Variants in ADAMTS17 observed in about 807,000 individuals in gnomAD.
ADAMTS17 encodes A disintegrin and metalloproteinase with thrombospondin motifs 17.
In ADAMTS17, 113 loss-of-function variants were observed where a neutral mutation model predicts 141.5. The ratio of observed to expected loss-of-function variants is 0.80; its 90% CI spans 0.69 to 0.93. The LOEUF is 0.93. Among genes scored for constraint, ADAMTS17 ranks in the 40% least tolerant of loss-of-function variants. ADAMTS17 has a pLI of 0.00. For missense variants in ADAMTS17, 1,659 were observed against 1,517.9 expected (o/e 1.09, Z -1.54); for synonymous variants, 768 against 630.6 (o/e 1.22, Z -3.27).
intron 8 of ADAMTS17, among the ~76,000 whole-genome samples, chr15:100,185,814 T>C (rs569839291): frequency 2.6e-5 from 4 of 152,328 alleles, no homozygotes; most frequent in South Asian, 2.1e-4. Context: ...AACGTGCTTC[T>C]GGCTCCTGAA....
At chr15:100,213,911 T>C (rs1362487068) in intron 7 of ADAMTS17, among the ~76,000 whole-genome samples, 1 of 152,240 alleles carries the variant, frequency 6.6e-6, no homozygotes, top group Non-Finnish European at 1.5e-5. Flanking sequence ...GTCAAAGTTA[T>C]TAAATGTTTT....
At chr15:100,165,450 G>A (rs564244777) in intron 8 of ADAMTS17, among the ~76,000 whole-genome samples, 10 of 152,264 alleles carry the variant, frequency 6.6e-5, no homozygotes, top group East Asian at 5.8e-4. Flanking sequence ...ATATGAACAC[G>A]CAATGACACA....
intron 7 of ADAMTS17, among the ~76,000 whole-genome samples, chr15:100,242,737 G>A (rs545599484): frequency 6.6e-6 from 1 of 152,036 alleles, no homozygotes; most frequent in Non-Finnish European, 1.5e-5. Context: ...CATTTTTCTT[G>A]GACAAAATCT....
intron 18 of ADAMTS17, among the ~76,000 whole-genome samples, chr15:100,002,516 C>A (rs2060949862): frequency 2.0e-5 from 3 of 152,036 alleles, no homozygotes; most frequent in Non-Finnish European, 4.4e-5. Flanking sequence ...GAGGGAAGAG[C>A]TGGGCGAGGC....
intron 6 of ADAMTS17, chr15:100,256,319 G>A (rs1478287869): frequency 6.6e-6 from 1 of 152,212 alleles, no homozygotes; most frequent in Admixed American, 6.5e-5. Context: ...CCCATGCCCT[G>A]GGCTAACACT....
chr15:100,230,510 G>A lies in ADAMTS17; in HGVS notation c.1075+23626C>T, dbSNP rs1009141410. ...AAGGAGAGCAAGGGGTGGAGGAAACGGGGTTAGACTGGGATGGTCTGCAAA... is the reference window on the plus strand; with the variant it reads ...AAGGAGAGCAAGGGGTGGAGGAAACAGGGTTAGACTGGGATGGTCTGCAAA... On this transcript the variant is annotated intron_variant, in intron 7 of 21. Transcript: ENST00000268070. Among the ~76,000 whole-genome samples, 4 of 152,288 alleles carry A rather than the reference G, an allele frequency of 2.6e-5. No individual in the cohort carries two copies. The South Asian group carries it at 6.2e-4, about 24-fold the overall frequency.
At chr15:100,315,076 G>A (rs936921699) in intron 3 of ADAMTS17, among the ~76,000 whole-genome samples, 1 of 152,250 alleles carries the variant, frequency 6.6e-6, no homozygotes, top group African/African-American at 2.4e-5. Flanking sequence ...GCAGGTCCCA[G>A]GTGGGAGACA....
chr15:100,227,501 G>A (rs879296947), intron 7 of ADAMTS17, among the ~76,000 whole-genome samples: 9 of 152,200 alleles, frequency 5.9e-5, no homozygotes, highest in Non-Finnish European at 1.3e-4. Context: ...AATCAGAGAC[G>A]AGACACCATT....
chr15:100,197,621 C>G (rs973984696), intron 8 of ADAMTS17, among the ~76,000 whole-genome samples: 11 of 152,166 alleles, frequency 7.2e-5, no homozygotes, highest in Non-Finnish European at 1.5e-4. Flanking sequence ...TAACTGTGCA[C>G]TCAGAGACAA....
At chr15:100,200,422 G>A (rs928265665) in intron 7 of ADAMTS17, among the ~76,000 whole-genome samples, 2 of 152,068 alleles carry the variant, frequency 1.3e-5, no homozygotes, top group Admixed American at 1.3e-4. Context: ...CCGCACTTCT[G>A]GGGGCTGACT....
At chr15:100,078,149 T>G (rs2034503181) in intron 15 of ADAMTS17, among the ~76,000 whole-genome samples, 1 of 151,422 alleles carries the variant, frequency 6.6e-6, no homozygotes, top group Non-Finnish European at 1.5e-5. Context: ...GATGACATTG[T>G]AAAAAATGTA....
chr15:100,309,553 C>CT (rs750183013), intron 3 of ADAMTS17, among the ~76,000 whole-genome samples: 29 of 152,142 alleles, frequency 1.9e-4, no homozygotes, highest in Non-Finnish European at 2.5e-4. Context: ...GCAGAGTCCT[C>CT]TCTAATCCCA....
intron 4 of ADAMTS17, among the ~76,000 whole-genome samples, chr15:100,276,758 T>C (rs953705710): frequency 1.3e-5 from 2 of 152,114 alleles, no homozygotes; most frequent in African/African-American, 4.8e-5. Context: ...GCTTGTCTAA[T>C]GACAGCCCAG....
At chr15:100,018,168 T>C (rs1204325108) in intron 18 of ADAMTS17, among the ~76,000 whole-genome samples, 1 of 145,740 alleles carries the variant, frequency 6.9e-6, no homozygotes, top group Non-Finnish European at 1.5e-5. Context: ...TCATACAGTA[T>C]TGTCCTTCTG....
chr15:100,120,590 C>A (rs1038967387), intron 12 of ADAMTS17, among the ~76,000 whole-genome samples: 12 of 152,202 alleles, frequency 7.9e-5, no homozygotes, highest in Admixed American at 7.2e-4. Context: ...AAAGCAACTT[C>A]ATCTAGGAGA....
intron 18 of ADAMTS17, among the ~76,000 whole-genome samples, chr15:100,040,631 C>T (rs2141534352): frequency 6.7e-6 from 1 of 149,802 alleles, no homozygotes; most frequent in Admixed American, 6.7e-5. Context: ...GGTACCAGGG[C>T]ATTCTCTCAT....
At chr15:100,027,489 C>G (rs2061536877) in intron 18 of ADAMTS17, among the ~76,000 whole-genome samples, 1 of 152,256 alleles carries the variant, frequency 6.6e-6, no homozygotes, top group Admixed American at 6.5e-5. Context: ...GATTGACAAA[C>G]TATGGCCTGA....
Position 99,987,647 on chromosome 15 carries a change from C to T in ADAMTS17, c.2949+5401G>A, listed in dbSNP as rs376414407. On this transcript the variant is annotated intron_variant, in intron 20 of 21. Transcript: ENST00000268070. Reference sequence around the variant, plus strand: ...ACAGTCCGAATCAGACAAAAACGCTCGGGAAGCCTCATCCCATGGAATCTA... The same window carrying T: ...ACAGTCCGAATCAGACAAAAACGCTTGGGAAGCCTCATCCCATGGAATCTA... 7.9e-5 allele frequency among the ~76,000 whole-genome samples: 12 copies of T among 152,320 alleles called. No individual in the cohort carries two copies. The South Asian group carries it at 1.2e-3, about 16-fold the overall frequency.
chr15:99,986,144 C>A lies in ADAMTS17; in HGVS notation c.2949+6904G>T, dbSNP rs377605274. On this transcript the variant is annotated intron_variant, in intron 20 of 21. Coordinates refer to ENST00000268070, the MANE Select transcript of ADAMTS17 (RefSeq NM_139057.4). ...TGGGGGCCACAGCCAGGCAGGCAGGCCTTGCAGGGTGGGGCAGGGGGGTTC... is the reference window on the plus strand; with the variant it reads ...TGGGGGCCACAGCCAGGCAGGCAGGACTTGCAGGGTGGGGCAGGGGGGTTC... Among the ~76,000 whole-genome samples, 3 of 152,384 alleles carry A rather than the reference C, an allele frequency of 2.0e-5. No homozygotes were observed. The East Asian group carries it at 5.8e-4, about 29-fold the overall frequency.
Sources: allele counts gnomAD v4.1 joint callset (sites outside exome capture counted in the v4.1 genomes callset), GRCh38; gene constraint gnomAD v4.1.1; transcripts MANE v1.5; gene names NCBI Gene and HGNC (gene_info 2026-07-23, HGNC 2026-07-21).